Variants in SUGCT observed in about 807,000 individuals in gnomAD.
The protein encoded by SUGCT is succinyl-CoA:glutarate CoA-transferase.
In SUGCT, 41 loss-of-function variants were observed where a neutral mutation model predicts 55.0. That is an observed-to-expected ratio of 0.74 (90% CI 0.58 to 0.97). The LOEUF (loss-of-function observed/expected upper bound fraction) is 0.97. SUGCT is among the 50% of genes least tolerant of loss of function. The pLI is 0.00. For missense variants in SUGCT, 568 were observed against 547.8 expected, an observed-to-expected ratio of 1.04 and a Z score of -0.37; for synonymous variants, 187 against 200.4, an observed-to-expected ratio of 0.93 and a Z score of 0.56.
rs192008903 is a variant in SUGCT, at chr7:40,411,619, T to A, written c.817-37668T>A. On this transcript the variant is annotated intron_variant, in intron 9 of 13. Coordinates refer to ENST00000335693, the MANE Select transcript of SUGCT (RefSeq NM_001193313.2). ...GGTGGTTGCCAGAGGCCAGGAAAGG[T>A]AGCAGGGAGAGGGGGGACAAACAAT... Among the ~76,000 whole-genome samples, 307 of 152,176 alleles carry A rather than the reference T, an allele frequency of 2.0e-3. 12 individuals are homozygous for A. The South Asian group carries it at 0.059, about 29-fold the overall frequency.
intron 12 of SUGCT, among the ~76,000 whole-genome samples, chr7:40,522,142 C>G (rs1793564826): frequency 6.6e-6 from 1 of 152,098 alleles, no homozygotes; most frequent in Admixed American, 6.6e-5. Context: ...TTCATTTTGT[C>G]TATGGTTCCA....
At chr7:40,870,340 C>A in the SUGCT span, among the ~76,000 whole-genome samples, 3 of 152,140 alleles carry the variant, frequency 2.0e-5, no homozygotes, top group African/African-American at 7.2e-5. Flanking sequence ...CCTTCACAGA[C>A]AGTGGTGTAA....
At chr7:40,658,416 C>A (rs1801133652) in intron 12 of SUGCT, among the ~76,000 whole-genome samples, 1 of 152,144 alleles carries the variant, frequency 6.6e-6, no homozygotes, top group African/African-American at 2.4e-5. Context: ...TTATTATAAT[C>A]CCAAACTCGG....
intron 12 of SUGCT, among the ~76,000 whole-genome samples, chr7:40,501,093 T>C (rs557406915): frequency 1.3e-5 from 2 of 152,146 alleles, no homozygotes; most frequent in Non-Finnish European, 2.9e-5. Flanking sequence ...TGGAAAACTG[T>C]TGGTAAAGAT....
Position 40,337,469 on chromosome 7 carries a change from T to A in SUGCT, c.816+20614T>A, listed in dbSNP as rs184030141. On this transcript the variant is annotated intron_variant, in intron 9 of 13. Coordinates refer to ENST00000335693, the MANE Select transcript of SUGCT (RefSeq NM_001193313.2). ...CATATATATTTAGGATAGTTAGCTC[T>A]TCTTGTTGAATTGATCCCTTTACAA... Among the ~76,000 whole-genome samples the A allele has an allele frequency of 7.5e-4, 114 of 152,364 alleles. 2 individuals are homozygous for A. Among genetic ancestry groups the A allele is most frequent in the Admixed American group, 7.4e-3 (114 of 15,312 alleles).
intron 11 of SUGCT, among the ~76,000 whole-genome samples, chr7:40,493,078 A>G (rs1315178993): frequency 6.6e-6 from 1 of 152,214 alleles, no homozygotes; most frequent in Non-Finnish European, 1.5e-5. Context: ...AGCTGTGACC[A>G]TATATAATGA....
At chr7:40,147,997 C>T (rs563434522) in intron 1 of SUGCT, among the ~76,000 whole-genome samples, 2 of 152,344 alleles carry the variant, frequency 1.3e-5, no homozygotes, top group South Asian at 4.1e-4. Flanking sequence ...ATGCACATGG[C>T]CCCTGCTGCT....
intron 12 of SUGCT, among the ~76,000 whole-genome samples, chr7:40,741,843 C>A (rs1787477944): frequency 6.6e-6 from 1 of 152,084 alleles, no homozygotes; most frequent in African/African-American, 2.4e-5. Flanking sequence ...TGCTTGATTT[C>A]ATTGAATTAA....
intron 6 of SUGCT, among the ~76,000 whole-genome samples, chr7:40,214,687 G>A (rs1323816810): frequency 6.6e-6 from 1 of 152,078 alleles, no homozygotes; most frequent in Non-Finnish European, 1.5e-5. Flanking sequence ...AGGCTTGGGG[G>A]TGGGGGTCAT....
chr7:40,332,684 G>T (rs1796389540), intron 9 of SUGCT, among the ~76,000 whole-genome samples: 1 of 152,076 alleles, frequency 6.6e-6, no homozygotes, highest in Non-Finnish European at 1.5e-5. Flanking sequence ...AGAATCTGAG[G>T]TTTGTTCAGC....
chr7:40,356,663 A>C (rs892260244), intron 9 of SUGCT, among the ~76,000 whole-genome samples: 11 of 152,166 alleles, frequency 7.2e-5, no homozygotes, highest in Non-Finnish European at 1.3e-4. Flanking sequence ...TCCATACATA[A>C]CTTTTTGCCA....
At chr7:40,163,466 G>A (rs778956813) in intron 1 of SUGCT, among the ~76,000 whole-genome samples, 1 of 151,934 alleles carries the variant, frequency 6.6e-6, no homozygotes, top group Non-Finnish European at 1.5e-5. Context: ...TTAGCCGGGC[G>A]TGGTGGCGCG....
At chr7:40,231,836 A>G (rs1172382752) in intron 6 of SUGCT, among the ~76,000 whole-genome samples, 1 of 152,232 alleles carries the variant, frequency 6.6e-6, no homozygotes, top group East Asian at 1.9e-4. Context: ...GTGGTGGCTT[A>G]TGCCTGTAAT....
chr7:40,946,164 G>A, the SUGCT span, among the ~76,000 whole-genome samples: 5 of 150,912 alleles, frequency 3.3e-5, no homozygotes, highest in South Asian at 6.3e-4. Flanking sequence ...GTAACAGACT[G>A]TGTTGATTGG....
intron 12 of SUGCT, among the ~76,000 whole-genome samples, chr7:40,578,566 AG>A (rs1796903636): frequency 6.6e-6 from 1 of 152,096 alleles, no homozygotes; most frequent in Non-Finnish European, 1.5e-5. Flanking sequence ...TTTCCTCTTC[AG>A]TGGTTCTGTC....
intron 12 of SUGCT, among the ~76,000 whole-genome samples, chr7:40,687,824 C>T (rs2128647034): frequency 6.6e-6 from 1 of 152,184 alleles, no homozygotes; most frequent in Middle Eastern, 3.4e-3. Flanking sequence ...GGAACTCCTT[C>T]ACCAGGCTTC....
At chr7:40,272,095 C>A (rs11973386) in intron 7 of SUGCT, among the ~76,000 whole-genome samples, 51,199 of 84,512 alleles carry the variant, frequency 0.61, 13,715 homozygotes, top group East Asian at 0.7. Flanking sequence ...CTCTCTCTCT[C>A]TATATATATA....
chr7:40,509,017 C>T (rs887248847), intron 12 of SUGCT, among the ~76,000 whole-genome samples: 2 of 151,484 alleles, frequency 1.3e-5, no homozygotes, highest in African/African-American at 2.4e-5. Context: ...GGACGTTTTA[C>T]AGTAGTGTGT....
the SUGCT span, among the ~76,000 whole-genome samples, chr7:40,931,753 G>T: frequency 6.6e-6 from 1 of 152,124 alleles, no homozygotes; most frequent in Non-Finnish European, 1.5e-5. Flanking sequence ...GTATTTCTGT[G>T]GGATCAGTGG....
Sources: allele counts gnomAD v4.1 joint callset (sites outside exome capture counted in the v4.1 genomes callset), GRCh38; gene constraint gnomAD v4.1.1; transcripts MANE v1.5; gene names NCBI Gene and HGNC (gene_info 2026-07-23, HGNC 2026-07-21).